The following MYO3A variants were observed in gnomAD, a reference collection of about 807,000 sequenced individuals.
MYO3A encodes myosin IIIA.
In MYO3A, 180 loss-of-function variants were observed where a neutral mutation model predicts 192.7. That is an observed-to-expected ratio of 0.93 (90% CI 0.83 to 1.06). MYO3A has a LOEUF of 1.06. Ranked by LOEUF, MYO3A falls within the 50% of genes least tolerant of loss-of-function variation. The pLI is 0.00. For synonymous variants in MYO3A, 628 were observed against 645.3 expected (o/e 0.97, Z 0.41); for missense variants, 1,896 against 1,905.0 (o/e 1.00, Z 0.09).
At chr10:25,990,177 T>C (rs1839922422) in intron 4 of MYO3A, among the ~76,000 whole-genome samples, 2 of 152,150 alleles carry the variant, frequency 1.3e-5, no homozygotes, top group Admixed American at 6.5e-5. Flanking sequence ...CTTCCTCTTG[T>C]TTTTGTATGT....
At chr10:26,170,665 G>A (rs1440534609) in intron 29 of MYO3A, 126 bp downstream of exon 29, 1 of 1,025,020 alleles carries the variant, frequency 9.8e-7, no homozygotes, top group Non-Finnish European at 1.4e-6. Context: ...TCAAATGTCA[G>A]TGAACACCCA....
intron 6 of MYO3A, among the ~76,000 whole-genome samples, chr10:26,003,860 T>C (rs1300447992): frequency 2.6e-5 from 4 of 152,048 alleles, no homozygotes; most frequent in Non-Finnish European, 2.9e-5. Context: ...TGACAGAATA[T>C]TTTATGGTTT....
At chr10:26,108,849 T>C (rs1278645647) in intron 17 of MYO3A, among the ~76,000 whole-genome samples, 1 of 152,156 alleles carries the variant, frequency 6.6e-6, no homozygotes, top group Admixed American at 6.5e-5. Context: ...CTTTACCAAC[T>C]GGGTGAGGTT....
At chr10:25,992,994 C>T (rs1425589953) in intron 4 of MYO3A, among the ~76,000 whole-genome samples, 2 of 152,124 alleles carry the variant, frequency 1.3e-5, no homozygotes, top group Admixed American at 1.3e-4. Context: ...CTCTGCCAGG[C>T]TTTGGTATCA....
chr10:26,211,688 G>C (rs1214132531), intron 34 of MYO3A, among the ~76,000 whole-genome samples, 155 bp from the exon 35 acceptor site: 2 of 152,052 alleles, frequency 1.3e-5, no homozygotes, highest in South Asian at 2.1e-4. Context: ...TCGCAGATAC[G>C]TTTGGCCATT....
chr10:26,187,266 G>A (rs575457885), intron 31 of MYO3A, among the ~76,000 whole-genome samples: 6 of 152,224 alleles, frequency 3.9e-5, no homozygotes, highest in African/African-American at 1.4e-4. Context: ...GTGAAAAATA[G>A]TAAGCGGCAA....
chr10:26,193,949 A>T (rs772075182), intron 32 of MYO3A, among the ~76,000 whole-genome samples: 1 of 152,088 alleles, frequency 6.6e-6, no homozygotes, highest in Non-Finnish European at 1.5e-5. Flanking sequence ...CCTTCTTCTC[A>T]TGTTCCTGTT....
At chr10:26,198,057 G>C (rs1009246954) in intron 32 of MYO3A, among the ~76,000 whole-genome samples, 4 of 152,200 alleles carry the variant, frequency 2.6e-5, no homozygotes, top group African/African-American at 9.6e-5. Context: ...ACTCTCAGGG[G>C]CTGTTGAGTT....
intron 18 of MYO3A, among the ~76,000 whole-genome samples, chr10:26,124,654 G>A (rs1316225113): frequency 6.6e-6 from 1 of 152,144 alleles, no homozygotes; most frequent in Non-Finnish European, 1.5e-5. Context: ...GAGAACAACA[G>A]ATTTGAAAAA....
rs1345002766 is a variant in MYO3A, at chr10:26,154,741, C to T, written c.2716-5C>T. The T allele has an allele frequency of 6.2e-7, 1 of 1,613,290 alleles. No individual in the cohort carries two copies. ...AGGCATCACTGTCTTCCTTGGTCTC[C>T]TTAGGGCGACACTGGAGAAGCCACA... On this transcript the variant is annotated splice_region_variant and splice_polypyrimidine_tract_variant and intron_variant, in intron 24 of 34. Coordinates refer to ENST00000642920, the MANE Select transcript of MYO3A (RefSeq NM_017433.5).
At chr10:26,189,356 A>G (rs1355217536) in intron 31 of MYO3A, among the ~76,000 whole-genome samples, 2 of 152,208 alleles carry the variant, frequency 1.3e-5, no homozygotes, top group Non-Finnish European at 2.9e-5. Flanking sequence ...GTGAATTTTG[A>G]GGTGACACAA....
intron 17 of MYO3A, among the ~76,000 whole-genome samples, chr10:26,110,521 G>A (rs1286566805): frequency 6.6e-6 from 1 of 152,092 alleles, no homozygotes; most frequent in East Asian, 1.9e-4. Context: ...AAATTAAGCA[G>A]CAAAGGTTGT....
intron 30 of MYO3A, among the ~76,000 whole-genome samples, chr10:26,175,218 C>T (rs558637106): frequency 4.3e-4 from 65 of 152,288 alleles, no homozygotes; most frequent in Non-Finnish European, 7.2e-4. Context: ...CTGATACATA[C>T]AATTTATCTC....
intron 11 of MYO3A, among the ~76,000 whole-genome samples, chr10:26,068,469 G>T: frequency 6.6e-6 from 1 of 151,882 alleles, no homozygotes; most frequent in South Asian, 2.1e-4. Context: ...ACATCACTTA[G>T]TGCTATTACT....
At chr10:26,124,773 G>A (rs1428550340) in intron 18 of MYO3A, among the ~76,000 whole-genome samples, 1 of 152,142 alleles carries the variant, frequency 6.6e-6, no homozygotes, top group African/African-American at 2.4e-5. Context: ...CCCATGAAAT[G>A]TAATCAACAT....
chr10:26,045,782 A>G (rs182912166), intron 10 of MYO3A, among the ~76,000 whole-genome samples: 88 of 152,244 alleles, frequency 5.8e-4, no homozygotes, highest in African/African-American at 2.0e-3. Flanking sequence ...CCGTAAAGAA[A>G]TTATCTGACC....
In MYO3A at chr10:26,176,837, G is replaced by A. The variant is rs200243391; in HGVS notation, c.4430G>A (p.Cys1477Tyr). Residue 1477 changes from cysteine to tyrosine, a missense_variant, in exon 31 of 35, where the codon TGC becomes TAC. By Grantham distance (194) the Cys-to-Tyr change is radical (BLOSUM62 -2). Transcript: ENST00000642920. Reference sequence around the variant, plus strand: ...AATAGACGAGTTTCTTCTCAGCAGTGCCTCTCAGGTAAAAATCAGTAGAGT... The same window carrying A: ...AATAGACGAGTTTCTTCTCAGCAGTACCTCTCAGGTAAAAATCAGTAGAGT... ...PINRRVSSQQCLSGVCKGEEP... is the reference protein window; with the variant it reads ...PINRRVSSQQYLSGVCKGEEP... The A allele has an allele frequency of 6.2e-7, 1 of 1,614,120 alleles. No homozygotes were observed. Among genetic ancestry groups the A allele is most frequent in the Non-Finnish European group, 8.5e-7 (1 of 1,179,990 alleles).
intron 8 of MYO3A, 68 bp from the exon 9 acceptor site, chr10:26,023,954 G>T: frequency 1.4e-6 from 2 of 1,385,634 alleles, no homozygotes; most frequent in South Asian, 1.2e-5. Flanking sequence ...TAGTCTATCT[G>T]GCTCTGCCTC....
intron 21 of MYO3A, 137 bp downstream of exon 21, chr10:26,143,738 C>T: frequency 3.8e-6 from 4 of 1,050,230 alleles, no homozygotes; most frequent in Non-Finnish European, 5.6e-6. Context: ...TAAAGAAGAG[C>T]CTTTGGATTT....
Sources: allele counts gnomAD v4.1 joint callset (sites outside exome capture counted in the v4.1 genomes callset), GRCh38; gene constraint gnomAD v4.1.1; transcripts MANE v1.5; gene names NCBI Gene and HGNC (gene_info 2026-07-23, HGNC 2026-07-21).